Variants in SGCZ observed in about 807,000 individuals in gnomAD.
The protein encoded by SGCZ is sarcoglycan zeta.
Under a neutral mutation model 41.3 loss-of-function variants are expected in SGCZ, and 40 were observed. The observed-to-expected ratio is 0.97, with a 90% CI of 0.75 to 1.26. The LOEUF is 1.26. SGCZ is among the 50% of genes most tolerant of loss of function. The probability of loss-of-function intolerance (pLI) is 0.00; values close to 1 mark genes in which losing one functional copy is unlikely to be tolerated. For synonymous variants in SGCZ, 206 were observed against 137.5 expected (o/e 1.50, Z -3.49); for missense variants, 552 against 369.8 (o/e 1.49, Z -4.04).
chr8:15,009,839 T>A (rs1275862173), intron 1 of SGCZ, among the ~76,000 whole-genome samples: 2 of 152,198 alleles, frequency 1.3e-5, no homozygotes, highest in African/African-American at 4.8e-5. Context: ...ATTCTTAAAA[T>A]AATTTTAATA....
At chr8:15,224,742 T>C (rs1170986637) in intron 1 of SGCZ, among the ~76,000 whole-genome samples, 3 of 152,106 alleles carry the variant, frequency 2.0e-5, no homozygotes, top group African/African-American at 4.8e-5. Context: ...AAAGAATACT[T>C]ATGAGAAAAA....
intron 1 of SGCZ, among the ~76,000 whole-genome samples, chr8:14,615,332 G>A (rs141977410): frequency 1.3e-5 from 2 of 152,268 alleles, no homozygotes; most frequent in East Asian, 3.9e-4. Context: ...CCCAAATAAG[G>A]GAGATGCCCA....
At chr8:14,576,855 T>C (rs755353687) in intron 1 of SGCZ, among the ~76,000 whole-genome samples, 2 of 152,156 alleles carry the variant, frequency 1.3e-5, no homozygotes. Context: ...TAAGAGAGAA[T>C]TGCAGTCCTC....
intron 2 of SGCZ, among the ~76,000 whole-genome samples, chr8:14,354,197 T>A (rs1803207507): frequency 6.6e-6 from 1 of 152,030 alleles, no homozygotes; most frequent in African/African-American, 2.4e-5. Flanking sequence ...GTTAAACTTG[T>A]AATTTTAGTG....
intron 5 of SGCZ, among the ~76,000 whole-genome samples, chr8:14,154,458 G>T (rs1803816508): frequency 1.3e-5 from 2 of 152,144 alleles, no homozygotes; most frequent in Non-Finnish European, 2.9e-5. Context: ...TTTGTTATGG[G>T]ACCCTAAGCT....
Position 14,142,791 on chromosome 8 carries a change from G to A in SGCZ, c.547+21789C>T, listed in dbSNP as rs73522480. On this transcript the variant is annotated intron_variant, in intron 5 of 7. Coordinates refer to ENST00000382080, the MANE Select transcript of SGCZ (RefSeq NM_139167.4). ...CCAGGTGCTGTCATCCCTGTTGTGAGTTCTTGTGAGATCTGGTTGTTTAAA... is the reference window on the plus strand; with the variant it reads ...CCAGGTGCTGTCATCCCTGTTGTGAATTCTTGTGAGATCTGGTTGTTTAAA... Among the ~76,000 whole-genome samples the A allele has an allele frequency of 1.9e-3, 285 of 152,170 alleles. 1 individual carries two copies. The highest frequency in any genetic ancestry group is 6.4e-3 in the African/African-American group (266 of 41,516).
chr8:15,200,726 C>T (rs1181976996), intron 1 of SGCZ, among the ~76,000 whole-genome samples: 1 of 152,068 alleles, frequency 6.6e-6, no homozygotes, highest in Admixed American at 6.5e-5. Flanking sequence ...GATAATATTC[C>T]TGAATTGTAG....
intron 3 of SGCZ, among the ~76,000 whole-genome samples, chr8:14,311,470 A>G (rs1280706295): frequency 1.3e-5 from 2 of 152,188 alleles, no homozygotes; most frequent in African/African-American, 2.4e-5. Context: ...TAGGAACACA[A>G]TAAAGCCATA....
chr8:14,827,929 A>G (rs1802390753), intron 1 of SGCZ, among the ~76,000 whole-genome samples: 1 of 152,164 alleles, frequency 6.6e-6, no homozygotes, highest in Admixed American at 6.5e-5. Context: ...CAAATCATTC[A>G]TGGAAAATAT....
At chr8:14,592,012 C>G (rs1805257082) in intron 1 of SGCZ, among the ~76,000 whole-genome samples, 1 of 152,038 alleles carries the variant, frequency 6.6e-6, no homozygotes, top group Non-Finnish European at 1.5e-5. Context: ...TACAAAGGAG[C>G]AATAAAAGCT....
intron 1 of SGCZ, among the ~76,000 whole-genome samples, chr8:14,947,640 C>A (rs1800496437): frequency 1.3e-5 from 2 of 152,132 alleles, no homozygotes; most frequent in African/African-American, 4.8e-5. Flanking sequence ...AGCTATGGGC[C>A]ATGAGCAAGA....
At chr8:14,462,306 T>C (rs972060930) in intron 2 of SGCZ, among the ~76,000 whole-genome samples, 7 of 152,014 alleles carry the variant, frequency 4.6e-5, no homozygotes, top group African/African-American at 9.6e-5. Context: ...CAGGTATTTA[T>C]GCATTTACAA....
chr8:14,551,638 AT>A (rs1803871124), intron 2 of SGCZ, among the ~76,000 whole-genome samples: 1 of 87,840 alleles, frequency 1.1e-5, no homozygotes, highest in Non-Finnish European at 2.0e-5. Context: ...TATATTATAT[AT>A]ATATAAAATA....
chr8:14,521,450 T>C (rs781197500), intron 2 of SGCZ, among the ~76,000 whole-genome samples: 2 of 152,096 alleles, frequency 1.3e-5, no homozygotes, highest in Non-Finnish European at 2.9e-5. Context: ...CCTGCACTTG[T>C]ACCCCTGAAC....
At chr8:14,172,484 G>A (rs1222543812) in intron 4 of SGCZ, among the ~76,000 whole-genome samples, 5 of 152,126 alleles carry the variant, frequency 3.3e-5, no homozygotes, top group Admixed American at 6.6e-5. Context: ...TTAACAGCAC[G>A]AACGGCGCCA....
Position 15,054,224 on chromosome 8 carries a change from T to C in SGCZ, c.39+183361A>G, listed in dbSNP as rs1427114256. Among the ~76,000 whole-genome samples, 4 of 152,222 alleles carry C rather than the reference T, an allele frequency of 2.6e-5. No homozygotes were observed. In the East Asian group the frequency reaches 7.7e-4, roughly 29 times the overall value. On this transcript the variant is annotated intron_variant, in intron 1 of 7. Coordinates refer to ENST00000382080, the MANE Select transcript of SGCZ (RefSeq NM_139167.4). ...GCTTATTTTCAAAATCATCTCAACA[T>C]TAATGAAAATATTTTTAAAATAGTC...
chr8:14,376,248 T>C (rs1274057892), intron 2 of SGCZ, among the ~76,000 whole-genome samples: 1 of 151,868 alleles, frequency 6.6e-6, no homozygotes, highest in East Asian at 1.9e-4. Context: ...CAGGCGGAGG[T>C]TGCAGTGAGC....
intron 2 of SGCZ, among the ~76,000 whole-genome samples, chr8:14,548,364 G>T (rs1166372345): frequency 2.0e-5 from 3 of 152,202 alleles, no homozygotes; most frequent in Admixed American, 6.5e-5. Flanking sequence ...CCACGGGCAG[G>T]GAAGACAGGG....
chr8:14,569,342 A>T (rs1391007196), intron 1 of SGCZ, among the ~76,000 whole-genome samples: 1 of 152,132 alleles, frequency 6.6e-6, no homozygotes, highest in African/African-American at 2.4e-5. Context: ...TTTCACATAG[A>T]TCTCTTTGTG....
Sources: allele counts gnomAD v4.1 joint callset (sites outside exome capture counted in the v4.1 genomes callset), GRCh38; gene constraint gnomAD v4.1.1; transcripts MANE v1.5; gene names NCBI Gene and HGNC (gene_info 2026-07-23, HGNC 2026-07-21).